Variants in DSG4 observed in about 807,000 individuals in gnomAD.
DSG4 encodes desmoglein 4, also known as desmoglein-4.
A neutral mutation model predicts 93.1 loss-of-function variants in DSG4; 87 were observed. The observed-to-expected ratio is 0.93, with a 90% CI of 0.79 to 1.12. DSG4 has a LOEUF of 1.12. Ranked by LOEUF, DSG4 falls within the 50% of genes most tolerant of loss-of-function variation. DSG4 has a pLI of 0.00. For missense variants in DSG4, 1,373 were observed against 1,285.7 expected, an observed-to-expected ratio of 1.07 and a Z score of -1.04; for synonymous variants, 432 against 452.9, an observed-to-expected ratio of 0.95 and a Z score of 0.59.
At chr18:31,398,050 CTT>C (rs1337088979) in intron 8 of DSG4, among the ~76,000 whole-genome samples, 1 of 127,810 alleles carries the variant, frequency 7.8e-6, no homozygotes, top group Non-Finnish European at 1.7e-5. Context: ...AAAAAAAAAA[CTT>C]GAGGTTCTCG....
chr18:31,408,036 G>C (rs2072446519), intron 12 of DSG4, among the ~76,000 whole-genome samples: 1 of 152,170 alleles, frequency 6.6e-6, no homozygotes, highest in Non-Finnish European at 1.5e-5. Flanking sequence ...GACAAAGAAA[G>C]CATGAGAGTT....
At position 31,414,630 on chromosome 18, in the gene DSG4, G is replaced by A. The variant is rs1189578457; in HGVS notation, c.*1035G>A. 2.0e-5 allele frequency: 3 copies of A among 152,076 alleles called. No individual in the cohort carries two copies. Among genetic ancestry groups the A allele is most frequent in the Non-Finnish European group, 2.9e-5 (2 of 67,996 alleles). The allele number at this position is 152,076 out of a possible 1,614,324, so 9.4% of individuals were successfully genotyped here. ...TTTCTAGACTTAAAATAAAACTCTG[G>A]GATATGGCTTTAAGTTCCTAACAAC... On this transcript the variant is annotated 3_prime_UTR_variant, in exon 16 of 16. Coordinates refer to ENST00000308128, the MANE Select transcript of DSG4 (RefSeq NM_177986.5).
chr18:31,409,121 T>G (rs1021090587), intron 12 of DSG4, among the ~76,000 whole-genome samples: 1 of 152,198 alleles, frequency 6.6e-6, no homozygotes, highest in Non-Finnish European at 1.5e-5. Flanking sequence ...GCGTTTAACT[T>G]ACATGTATGT....
At chr18:31,402,289 C>T (rs185265074) in intron 10 of DSG4, among the ~76,000 whole-genome samples, 1 of 152,160 alleles carries the variant, frequency 6.6e-6, no homozygotes, top group African/African-American at 2.4e-5. Context: ...GACCTCTATG[C>T]AGAGCAAACT....
At position 31,413,426 on chromosome 18, in the gene DSG4, G is replaced by A. The variant is rs2072520694; in HGVS notation, c.2954G>A (p.Gly985Asp). 2 of 1,613,608 alleles carry A rather than the reference G, an allele frequency of 1.2e-6. No individual in the cohort carries two copies. Among genetic ancestry groups the A allele is most frequent in the African/African-American group, 2.7e-5 (2 of 74,886 alleles). ...ATGAGCAATAGTAGCACGACTGAGG[G>A]TTGTATGGGACCTGTGATGAGCGGC... is the stretch of plus-strand genomic sequence containing the variant. ...PDMSNSSTTEGCMGPVMSGNI... is the reference protein window; with the variant it reads ...PDMSNSSTTEDCMGPVMSGNI... Residue 985 changes from glycine (G) to aspartate (D), a missense_variant, in exon 16 of 16, where the codon GGT becomes GAT. Transcript: ENST00000308128.
At chr18:31,390,983 T>C in intron 6 of DSG4, 95 bp from the exon 7 acceptor site, 4 of 1,543,134 alleles carry the variant, frequency 2.6e-6, no homozygotes, top group Non-Finnish European at 2.6e-6. Flanking sequence ...TCATTGGATA[T>C]GTAAATAAAA....
At chr18:31,377,088 C>A in intron 1 of DSG4, 129 bp downstream of exon 1, 1 of 1,039,538 alleles carries the variant, frequency 9.6e-7, no homozygotes, top group Non-Finnish European at 1.5e-6. Context: ...TCTAGAAGTC[C>A]AGCCTCTGTT....
At chr18:31,402,707 C>CA (rs5823807) in intron 10 of DSG4, among the ~76,000 whole-genome samples, 104,691 of 151,662 alleles carry the variant, frequency 0.69, 37,390 homozygotes, top group East Asian at 0.9. Flanking sequence ...TAAAAAGAAG[C>CA]AAAAAAAATT....
chr18:31,377,058 C>A, intron 1 of DSG4, 99 bp downstream of exon 1: 1 of 1,280,864 alleles, frequency 7.8e-7, no homozygotes, highest in Non-Finnish European at 1.1e-6. Flanking sequence ...CATTTTTAAT[C>A]TCCTTCCTGC....
intron 12 of DSG4, 47 bp downstream of exon 12, chr18:31,406,420 G>T: frequency 6.2e-7 from 1 of 1,611,466 alleles, no homozygotes; most frequent in Non-Finnish European, 8.5e-7. Context: ...TTCAAAATAG[G>T]GCTGTTACGA....
chr18:31,380,811 C>T (rs1166436039), intron 1 of DSG4, among the ~76,000 whole-genome samples: 4 of 152,152 alleles, frequency 2.6e-5, no homozygotes, highest in Non-Finnish European at 5.9e-5. Context: ...TGTTCTGTAG[C>T]TACTACTTTA....
intron 8 of DSG4, among the ~76,000 whole-genome samples, chr18:31,398,350 T>G (rs1039779768): frequency 6.6e-6 from 1 of 152,176 alleles, no homozygotes; most frequent in African/African-American, 2.4e-5. Context: ...AGTAAATTTC[T>G]GTGAATGTTT....
At chr18:31,383,075 G>A (rs545921559) in intron 1 of DSG4, among the ~76,000 whole-genome samples, 2 of 152,236 alleles carry the variant, frequency 1.3e-5, no homozygotes, top group South Asian at 4.2e-4. Flanking sequence ...TAGATGCCAC[G>A]GGGCACTATG....
intron 1 of DSG4, 86 bp downstream of exon 1, chr18:31,377,045 T>G (rs1568058002): frequency 9.8e-6 from 14 of 1,424,814 alleles, no homozygotes; most frequent in Non-Finnish European, 1.2e-5. Context: ...ATGGGATTTA[T>G]TCCATTTTTA....
chr18:31,392,019 G>C (rs1188021504), intron 7 of DSG4, 136 bp from the exon 8 acceptor site: 2 of 746,622 alleles, frequency 2.7e-6, no homozygotes, highest in East Asian at 2.7e-5. Flanking sequence ...CTCCTGATTG[G>C]ACTATGGGCA....
intron 11 of DSG4, among the ~76,000 whole-genome samples, chr18:31,403,845 A>G (rs2072396831): frequency 6.6e-6 from 1 of 152,224 alleles, no homozygotes; most frequent in South Asian, 2.1e-4. Context: ...TTTCATTAAT[A>G]TTTAATTTAC....
chr18:31,399,393 T>A lies in DSG4; in HGVS notation c.1127T>A (p.Val376Asp). ...CACCCAACCCCTGTGAGAATTCAAG[T>A]TGTTGATGTGAGAGAAGGACCTGCA... The part of the protein sequence containing the change: ...QMHPTPVRIQ[V>D]VDVREGPAFH... The change falls in exon 9 of 16, where the codon GTT becomes GAT. Residue 376 changes from valine to aspartate, a missense_variant. Val to Asp is a radical substitution (Grantham distance 152). Transcript: ENST00000308128. 1.9e-6 allele frequency: 3 copies of A among 1,614,116 alleles called. No individual in the cohort carries two copies. The highest frequency in any genetic ancestry group is 2.5e-6 in the Non-Finnish European group (3 of 1,179,972).
chr18:31,379,904 A>T (rs11081695), intron 1 of DSG4, among the ~76,000 whole-genome samples: 1 of 151,908 alleles, frequency 6.6e-6, no homozygotes, highest in Admixed American at 6.6e-5. Flanking sequence ...AATACCCTAG[A>T]TTGCTTTAAA....
chr18:31,400,894 C>T lies in DSG4; in HGVS notation c.1291C>T (p.His431Tyr). The T allele has an allele frequency of 3.1e-6, 5 of 1,612,310 alleles. No individual in the cohort carries two copies. The highest frequency in any genetic ancestry group is 4.2e-6 in the Non-Finnish European group (5 of 1,178,964). ...ATTTAAAAACAGATATATCATAGGG[C>T]ATGATGCAGGCAGCTGGTTAAAAAT... ...PATDVRYIIG[H>Y]DAGSWLKIDS... Residue 431 changes from histidine (H) to tyrosine (Y), a missense_variant, in exon 10 of 16, where the codon CAT (histidine) becomes TAT (tyrosine). Coordinates refer to ENST00000308128, the MANE Select transcript of DSG4 (RefSeq NM_177986.5).
Sources: allele counts gnomAD v4.1 joint callset (sites outside exome capture counted in the v4.1 genomes callset), GRCh38; gene constraint gnomAD v4.1.1; transcripts MANE v1.5; gene names NCBI Gene and HGNC (gene_info 2026-07-23, HGNC 2026-07-21).